Variants in NPHP1 observed in about 807,000 individuals in gnomAD.
NPHP1 encodes the protein nephrocystin 1.
In NPHP1, 70 loss-of-function variants were observed where a neutral mutation model predicts 90.4. The ratio of observed to expected loss-of-function variants is 0.77; its 90% confidence interval spans 0.64 to 0.95. The LOEUF (loss-of-function observed/expected upper bound fraction) is 0.95, where lower values mean the gene tolerates loss of function less well. NPHP1 is among the 40% of genes least tolerant of loss of function. NPHP1 has a pLI of 0.00. For missense variants in NPHP1, 764 were observed against 795.9 expected, an observed-to-expected ratio of 0.96 and a Z score of 0.48; for synonymous variants, 256 against 271.7, an observed-to-expected ratio of 0.94 and a Z score of 0.57.
At position 110,168,477 on chromosome 2, in the gene NPHP1, C is replaced by T. The variant is rs373951297; in HGVS notation, c.599G>A (p.Gly200Asp). The change falls in exon 6 of 20, where the codon GGT becomes GAT. Residue 200 changes from glycine to aspartate, a missense_variant. Transcript: ENST00000445609. ...CTCTAGGTAGGTTCTGGGAACAAGA[C>T]CTTCATTTCCTTTGGCATCCTTAGC... is the stretch of plus-strand genomic sequence containing the variant. Reference protein sequence around the residue: ...WIAKDAKGNEGLVPRTYLEPY... With the variant: ...WIAKDAKGNEDLVPRTYLEPY... The T allele has an allele frequency of 5.3e-5, 86 of 1,612,534 alleles. 1 individual carries two copies. In the South Asian group the frequency reaches 9.2e-4, roughly 17 times the overall value.
chr2:110,129,377 A>G (rs1239582803), intron 17 of NPHP1, 118 bp from the exon 18 acceptor site: 1 of 803,022 alleles, frequency 1.2e-6, no homozygotes, highest in South Asian at 1.5e-5. Context: ...TTGATAACAC[A>G]TTCTACACAC....
chr2:110,150,187 G>A lies in NPHP1; in HGVS notation c.1153C>T (p.Pro385Ser), dbSNP rs761949908. Residue 385 changes from proline to serine, a missense_variant, in exon 12 of 20, where the codon CCC becomes TCC. Pro to Ser is a moderately conservative substitution (Grantham distance 74). Transcript: ENST00000445609. ...TCATTCAGCAGATTACTTACCTGGG[G>A]AGAAAAGGTCCATGTTTTGGGCTTT... ...PKKPKTWTFS[P>S]QVTRILPCLL... The A allele has an allele frequency of 1.9e-6, 3 of 1,612,456 alleles. No individual in the cohort carries two copies. The highest frequency in any genetic ancestry group is 2.2e-5 in the South Asian group (2 of 91,050).
intron 14 of NPHP1, 88 bp downstream of exon 14, chr2:110,146,665 G>A: frequency 2.1e-6 from 2 of 945,324 alleles, no homozygotes; most frequent in Non-Finnish European, 1.7e-6. Flanking sequence ...TTATTGGCAT[G>A]CTCATAGAAC....
At chr2:110,183,906 TA>T (rs1684090385) in intron 2 of NPHP1, 5 of 328,178 alleles carry the variant, frequency 1.5e-5, no homozygotes, top group Middle Eastern at 2.2e-3. Flanking sequence ...TAATCGGAAA[TA>T]AAATATTCCT....
chr2:110,143,712 A>AT (rs1680814066), intron 15 of NPHP1, 71 bp from the exon 16 acceptor site: 2 of 1,077,880 alleles, frequency 1.9e-6, no homozygotes, highest in African/African-American at 3.1e-5. Flanking sequence ...TAAAACAAGT[A>AT]TTTCATGAAA....
At chr2:110,148,456 T>C (rs1377897482) in intron 12 of NPHP1, among the ~76,000 whole-genome samples, 1 of 152,182 alleles carries the variant, frequency 6.6e-6, no homozygotes, top group Non-Finnish European at 1.5e-5. Context: ...CATGCATTTC[T>C]TTATAGCAAT....
chr2:110,152,593 T>C (rs1188099217), intron 11 of NPHP1, among the ~76,000 whole-genome samples: 1 of 111,688 alleles, frequency 9.0e-6, no homozygotes, highest in African/African-American at 4.0e-5. Context: ...TGGAAGCCAG[T>C]AGGGTTAAAA....
At chr2:110,127,991 A>G (rs1679486917) in intron 18 of NPHP1, 1 of 152,170 alleles carries the variant, frequency 6.6e-6, no homozygotes, top group Non-Finnish European at 1.5e-5. Context: ...AAGAAAGAGA[A>G]ATTCTGCATT....
At chr2:110,163,462 T>C (rs1048240717) in intron 8 of NPHP1, 1 of 341,582 alleles carries the variant, frequency 2.9e-6, no homozygotes, top group Non-Finnish European at 5.6e-6. Flanking sequence ...TTAATGTCTA[T>C]TGGCAAATCA....
intron 4 of NPHP1, chr2:110,178,216 C>T: frequency 1.8e-6 from 1 of 543,662 alleles, no homozygotes; most frequent in Non-Finnish European, 3.2e-6. Context: ...TATAAATTGC[C>T]TGAGGGCAGA....
intron 2 of NPHP1, among the ~76,000 whole-genome samples, chr2:110,193,748 T>C (rs925620601): frequency 6.6e-6 from 1 of 152,018 alleles, no homozygotes; most frequent in African/African-American, 2.4e-5. Flanking sequence ...ATTGACCACA[T>C]AGTTGGAAGT....
rs369977541 is a variant in NPHP1, at chr2:110,161,675, G to A, written c.882C>T (p.Tyr294=). Residue 294 remains tyrosine, a synonymous_variant, in exon 10 of 20, where the codon TAC becomes TAT. Transcript: ENST00000445609. ...AAGGCATGAGCTCTGGTTGTAAGAAGTAATTTGCTCGAAATTGATTCCCTG... is the reference window on the plus strand; with the variant it reads ...AAGGCATGAGCTCTGGTTGTAAGAAATAATTTGCTCGAAATTGATTCCCTG... ...LEEGNQFRAN[Y]FLQPELMPSQ... is the part of the protein sequence containing the mutation. 6.2e-7 allele frequency: 1 copy of A among 1,612,546 alleles called. No individual in the cohort carries two copies. The highest frequency in any genetic ancestry group is 8.5e-7 in the Non-Finnish European group (1 of 1,178,726).
chr2:110,160,844 C>G (rs922605776), intron 10 of NPHP1, among the ~76,000 whole-genome samples: 1 of 152,096 alleles, frequency 6.6e-6, no homozygotes, highest in Admixed American at 6.5e-5. Flanking sequence ...TTACATTCTG[C>G]TTTACGGTCA....
intron 2 of NPHP1, among the ~76,000 whole-genome samples, chr2:110,187,192 T>C (rs965025132): frequency 4.0e-5 from 6 of 151,368 alleles, no homozygotes; most frequent in African/African-American, 1.2e-4. Context: ...CTGAAGGAGA[T>C]AGAGACATGA....
At chr2:110,171,396 C>G (rs116247520) in intron 4 of NPHP1, among the ~76,000 whole-genome samples, 2,021 of 152,170 alleles carry the variant, frequency 0.013, 49 homozygotes, top group African/African-American at 0.046. Context: ...TAGACTAATG[C>G]AAATGAACAT....
At chr2:110,162,118 T>A (rs1377263016) in intron 9 of NPHP1, among the ~76,000 whole-genome samples, 1 of 152,106 alleles carries the variant, frequency 6.6e-6, no homozygotes, top group Non-Finnish European at 1.5e-5. Flanking sequence ...AATAACATCA[T>A]TTATCCATTC....
At chr2:110,137,112 G>A (rs1303071226) in intron 16 of NPHP1, among the ~76,000 whole-genome samples, 1 of 152,058 alleles carries the variant, frequency 6.6e-6, no homozygotes, top group Non-Finnish European at 1.5e-5. Context: ...GGGAAAACTG[G>A]CTAGCCATAT....
At chr2:110,189,642 C>T (rs1684553081) in intron 2 of NPHP1, among the ~76,000 whole-genome samples, 1 of 152,114 alleles carries the variant, frequency 6.6e-6, no homozygotes, top group African/African-American at 2.4e-5. Context: ...TGCTTTTATT[C>T]TTTTATCTGG....
chr2:110,178,672 T>A (rs1683678768), intron 3 of NPHP1, 125 bp from the exon 4 acceptor site: 1 of 757,790 alleles, frequency 1.3e-6, no homozygotes, highest in Non-Finnish European at 2.1e-6. Flanking sequence ...ATTACACCTA[T>A]CTTAGGGAAA....
Sources: allele counts gnomAD v4.1 joint callset (sites outside exome capture counted in the v4.1 genomes callset), GRCh38; gene constraint gnomAD v4.1.1; transcripts MANE v1.5; gene names NCBI Gene and HGNC (gene_info 2026-07-23, HGNC 2026-07-21).